Variants in PKIB observed in about 807,000 individuals in gnomAD.
PKIB encodes PKI-beta.
PKIB carries 2 observed loss-of-function variants against 4.5 expected under a neutral mutation model. The observed-to-expected ratio is 0.44, with a 90% CI of 0.18 to 1.39. PKIB has a LOEUF of 1.39. PKIB is among the 40% of genes most tolerant of loss of function. PKIB has a pLI of 0.27. For synonymous variants in PKIB, 38 were observed against 36.0 expected, an observed-to-expected ratio of 1.06 and a Z score of -0.20; for missense variants, 94 against 92.6, an observed-to-expected ratio of 1.02 and a Z score of -0.06.
intron 3 of PKIB, among the ~76,000 whole-genome samples, chr6:122,700,774 G>A (rs1778779330): frequency 6.6e-6 from 1 of 152,160 alleles, no homozygotes; most frequent in Admixed American, 6.5e-5. Flanking sequence ...AAACTTTCTG[G>A]GTACTTATGG....
chr6:122,717,690 C>A, intron 3 of PKIB, 97 bp from the exon 4 acceptor site: 1 of 1,155,780 alleles, frequency 8.7e-7, no homozygotes, highest in Non-Finnish European at 1.3e-6. Context: ...ACTCTCAAGC[C>A]TGTTGTGTTT....
rs755530084 is a variant in PKIB, at chr6:122,717,916, G to A, written c.122G>A (p.Gly41Glu). ...ATCCAGAGTTCAGCTGCCACAGACGGAACCTCAGATTTGCCCCTCAAACTG... is the reference window on the plus strand; with the variant it reads ...ATCCAGAGTTCAGCTGCCACAGACGAAACCTCAGATTTGCCCCTCAAACTG... ...PDIQSSAATD[G>E]TSDLPLKLEA... Residue 41 changes from glycine to glutamate, a missense_variant, in exon 4 of 5, where the codon GGA becomes GAA. Physicochemically the swap from Gly to Glu is moderately conservative, Grantham distance 98. Transcript: ENST00000368452. 1 of 1,614,026 alleles carries A rather than the reference G, an allele frequency of 6.2e-7. No homozygotes were observed. Among genetic ancestry groups the A allele is most frequent in the Non-Finnish European group, 8.5e-7 (1 of 1,179,950 alleles).
chr6:122,723,568 A>T (rs1779824522), intron 4 of PKIB, among the ~76,000 whole-genome samples: 1 of 152,042 alleles, frequency 6.6e-6, no homozygotes, highest in African/African-American at 2.4e-5. Flanking sequence ...CACAGGATCT[A>T]GTTTTTTTGG....
At chr6:122,524,697 A>G (rs1303965751) in intron 2 of PKIB, among the ~76,000 whole-genome samples, 2 of 152,012 alleles carry the variant, frequency 1.3e-5, no homozygotes, top group Non-Finnish European at 1.5e-5. Flanking sequence ...TTCATGAGTC[A>G]GTCTTAGTAG....
rs1775318940 is a variant in PKIB at position 122,472,041 on chromosome 6, GGT to G, written c.-337+4_-337+5del. The G allele has an allele frequency of 3.9e-6, 2 of 517,490 alleles. No homozygotes were observed. Among genetic ancestry groups the G allele is most frequent in the Non-Finnish European group, 6.5e-6 (2 of 308,530 alleles). The allele number at this position is 517,490 out of a possible 1,614,324, so 32.1% of individuals were successfully genotyped here. A position where few individuals can be genotyped will look rare whatever the true frequency, so the allele number is the denominator to read the frequency against. ...CCGTAGTTTGCCAAATTAAGAAAAC[GGT>G]GTGAGCAAAACCCACCTTTACCTAC... is the stretch of plus-strand genomic sequence containing the variant. On this transcript the variant is annotated splice_donor_variant, in intron 1 of 6. Coordinates refer to the PKIB transcript ENST00000392491. LOFTEE classifies it low-confidence loss of function (5UTR_SPLICE).
intron 2 of PKIB, among the ~76,000 whole-genome samples, chr6:122,524,236 A>C (rs1302239418): frequency 7.2e-4 from 63 of 87,088 alleles, no homozygotes; most frequent in East Asian, 1.3e-3. Context: ...CCTCTTCCTC[A>C]TCCTCCTTCT....
chr6:122,566,626 C>T (rs1414258834), intron 2 of PKIB, among the ~76,000 whole-genome samples: 2 of 148,586 alleles, frequency 1.3e-5, no homozygotes, highest in Non-Finnish European at 3.0e-5. Flanking sequence ...CCCTTCCTCC[C>T]TTCCTCCCTC....
chr6:122,685,079 T>G (rs572032446), intron 3 of PKIB, among the ~76,000 whole-genome samples: 24 of 152,150 alleles, frequency 1.6e-4, no homozygotes, highest in Non-Finnish European at 3.4e-4. Context: ...TATGAAAAGT[T>G]AGTCACTTGC....
intron 2 of PKIB, among the ~76,000 whole-genome samples, chr6:122,573,723 C>A (rs1003724585): frequency 1.3e-5 from 2 of 151,846 alleles, no homozygotes; most frequent in Non-Finnish European, 2.9e-5. Flanking sequence ...ATGCAGCATC[C>A]CTTTGTGATA....
chr6:122,587,025 G>A (rs893436572), intron 3 of PKIB, among the ~76,000 whole-genome samples: 11 of 151,580 alleles, frequency 7.3e-5, no homozygotes, highest in Admixed American at 4.6e-4. Context: ...AATAAGCAAT[G>A]TGGTTTTTTT....
At chr6:122,622,034 G>A (rs1775251554) in intron 1 of PKIB, among the ~76,000 whole-genome samples, 1 of 152,170 alleles carries the variant, frequency 6.6e-6, no homozygotes, top group African/African-American at 2.4e-5. Flanking sequence ...GAGTTAGGGT[G>A]TGTGGAACTA....
At chr6:122,706,672 G>A (rs1436947115) in intron 3 of PKIB, among the ~76,000 whole-genome samples, 2 of 152,144 alleles carry the variant, frequency 1.3e-5, no homozygotes, top group African/African-American at 4.8e-5. Flanking sequence ...AATGAAGACA[G>A]TAGTGACTAA....
chr6:122,580,440 A>T (rs1265623520), intron 2 of PKIB, among the ~76,000 whole-genome samples: 1 of 152,126 alleles, frequency 6.6e-6, no homozygotes, highest in Non-Finnish European at 1.5e-5. Flanking sequence ...TTAGTATGTT[A>T]TTCATTAAGT....
At chr6:122,710,076 C>A (rs1779210761) in intron 3 of PKIB, among the ~76,000 whole-genome samples, 2 of 152,076 alleles carry the variant, frequency 1.3e-5, no homozygotes, top group Admixed American at 1.3e-4. Context: ...ATTTTCAGCT[C>A]ATAATCGATA....
At chr6:122,493,557 T>A (rs1466924078) in intron 2 of PKIB, 1 of 152,258 alleles carries the variant, frequency 6.6e-6, no homozygotes, top group East Asian at 1.9e-4. Context: ...ATTATGCATA[T>A]CTGAAGCTGT....
intron 3 of PKIB, among the ~76,000 whole-genome samples, chr6:122,693,160 A>G (rs1048300303): frequency 7.2e-5 from 11 of 152,206 alleles, no homozygotes; most frequent in African/African-American, 2.7e-4. Flanking sequence ...CCTGTGACGT[A>G]TAATTAATTT....
At chr6:122,665,665 A>T (rs1248151199) in intron 2 of PKIB, among the ~76,000 whole-genome samples, 1 of 152,176 alleles carries the variant, frequency 6.6e-6, no homozygotes, top group Non-Finnish European at 1.5e-5. Flanking sequence ...TAGGGAAAGG[A>T]AAAAAGAAAG....
At chr6:122,725,040 G>T in intron 4 of PKIB, 88 bp from the exon 5 acceptor site, 1 of 1,045,070 alleles carries the variant, frequency 9.6e-7, no homozygotes, top group Non-Finnish European at 1.4e-6. Context: ...ATGGACGGTG[G>T]ACAAAGGAAA....
chr6:122,702,930 A>G (rs1393867999), intron 3 of PKIB, among the ~76,000 whole-genome samples: 1 of 152,210 alleles, frequency 6.6e-6, no homozygotes, highest in African/African-American at 2.4e-5. Context: ...AACATGAAGC[A>G]TGATGTCGTG....
Sources: allele counts gnomAD v4.1 joint callset (sites outside exome capture counted in the v4.1 genomes callset), GRCh38; gene constraint gnomAD v4.1.1; transcripts MANE v1.5; gene names NCBI Gene and HGNC (gene_info 2026-07-23, HGNC 2026-07-21).